Variants in AMPH observed in about 807,000 individuals in gnomAD.
AMPH encodes the protein amphiphysin.
In AMPH, 49 loss-of-function variants were observed where a neutral mutation model predicts 99.1. The observed-to-expected ratio is 0.49, with a 90% CI of 0.39 to 0.63. AMPH has a LOEUF of 0.63. Ranked by LOEUF, AMPH falls within the 20% of genes least tolerant of loss-of-function variation. The probability of loss-of-function intolerance (pLI) is 0.00; values close to 1 mark genes in which losing one functional copy is unlikely to be tolerated. For missense variants in AMPH, 759 were observed against 863.4 expected (o/e 0.88, Z 1.52); for synonymous variants, 314 against 317.3 (o/e 0.99, Z 0.11).
rs78411385 is a variant in AMPH at position 38,464,721 on chromosome 7, A to G, written c.749+746T>C. ...ACCAGAGAGGTTTTGAACTTACTCA[A>G]GGAAGGCAAAGCAAGTTAACTGCAA... On this transcript the variant is annotated intron_variant, in intron 9 of 20. Transcript: ENST00000356264. 8.7e-3 allele frequency among the ~76,000 whole-genome samples: 1,327 copies of G among 152,322 alleles called. 57 individuals carry two copies. In the South Asian group the frequency reaches 0.11, roughly 12 times the overall value.
intron 5 of AMPH, among the ~76,000 whole-genome samples, chr7:38,479,349 T>C (rs1449611445): frequency 2.3e-5 from 2 of 87,656 alleles, no homozygotes; most frequent in Non-Finnish European, 4.1e-5. Context: ...ATGAAAATAT[T>C]TACAAAAGTG....
At chr7:38,478,154 T>C (rs11975198) in intron 5 of AMPH, among the ~76,000 whole-genome samples, 2,759 of 152,082 alleles carry the variant, frequency 0.018, 84 homozygotes, top group African/African-American at 0.062. Flanking sequence ...CAAGCAATAG[T>C]GGCCTACCAC....
chr7:38,410,503 A>G (rs1785182105), intron 17 of AMPH, among the ~76,000 whole-genome samples: 1 of 152,208 alleles, frequency 6.6e-6, no homozygotes, highest in Non-Finnish European at 1.5e-5. Context: ...CCACTCCACA[A>G]TGATATGTCA....
intron 16 of AMPH, 45 bp from the exon 17 acceptor site, chr7:38,417,995 G>C (rs1785446637): frequency 6.3e-7 from 1 of 1,595,350 alleles, no homozygotes; most frequent in African/African-American, 1.3e-5. Context: ...GATTCAACAG[G>C]TAAATAGATA....
chr7:38,631,161 C>CTGG, intron 1 of AMPH, 122 bp downstream of exon 1: 1 of 896,756 alleles, frequency 1.1e-6, no homozygotes, highest in Non-Finnish European at 1.4e-6. Context: ...GTCCCTGGCC[C>CTGG]CGGCCCCGCT....
chr7:38,552,531 T>A (rs1791216335), intron 1 of AMPH, among the ~76,000 whole-genome samples: 1 of 152,216 alleles, frequency 6.6e-6, no homozygotes, highest in Non-Finnish European at 1.5e-5. Context: ...CTGGAATAAG[T>A]CACCAAGGCT....
At chr7:38,538,101 T>C (rs1035529097) in intron 1 of AMPH, among the ~76,000 whole-genome samples, 2 of 152,224 alleles carry the variant, frequency 1.3e-5, no homozygotes, top group African/African-American at 4.8e-5. Context: ...AGAAATTAAA[T>C]AGTTTGTTGC....
intron 1 of AMPH, among the ~76,000 whole-genome samples, chr7:38,575,045 T>G (rs1308356270): frequency 9.9e-6 from 1 of 100,958 alleles, no homozygotes; most frequent in African/African-American, 4.3e-5. Context: ...AGACCGAGAC[T>G]CTGTCTAAAA....
chr7:38,420,252 T>G (rs1263657761), intron 16 of AMPH, among the ~76,000 whole-genome samples: 1 of 152,242 alleles, frequency 6.6e-6, no homozygotes, highest in East Asian at 1.9e-4. Flanking sequence ...ACCTTTCTAT[T>G]CCAAGATAAT....
chr7:38,625,109 T>TG (rs1794199423), intron 1 of AMPH, among the ~76,000 whole-genome samples: 1 of 152,100 alleles, frequency 6.6e-6, no homozygotes, highest in Non-Finnish European at 1.5e-5. Context: ...AACAGGGGAC[T>TG]GTTTGAAAGC....
intron 14 of AMPH, chr7:38,428,532 T>G (rs1785870811): frequency 2.2e-6 from 1 of 456,632 alleles, no homozygotes; most frequent in Non-Finnish European, 4.4e-6. Context: ...CTGAATTTCT[T>G]CAGCATCTGT....
intron 2 of AMPH, among the ~76,000 whole-genome samples, chr7:38,534,476 T>C (rs1790525322): frequency 6.6e-6 from 1 of 151,998 alleles, no homozygotes; most frequent in African/African-American, 2.4e-5. Context: ...AGTTCAAGAC[T>C]ATCCTGGGCA....
At chr7:38,429,625 T>A in intron 14 of AMPH, 1 of 1,433,606 alleles carries the variant, frequency 7.0e-7, no homozygotes, top group South Asian at 1.4e-5. Context: ...AAACAAAAGA[T>A]GAAACAGAAC....
At chr7:38,492,477 A>AAC (rs3837077) in intron 4 of AMPH, among the ~76,000 whole-genome samples, 15,148 of 152,144 alleles carry the variant, frequency 0.1, 1,170 homozygotes, top group East Asian at 0.3. Flanking sequence ...ATCTTGTTAA[A>AAC]ACACACACAC....
chr7:38,447,165 A>C (rs1030419301), intron 11 of AMPH, among the ~76,000 whole-genome samples: 1 of 152,106 alleles, frequency 6.6e-6, no homozygotes, highest in Non-Finnish European at 1.5e-5. Flanking sequence ...GATTACAGGC[A>C]TGTGCCACCA....
chr7:38,544,592 G>A (rs1196686469), intron 1 of AMPH, among the ~76,000 whole-genome samples: 1 of 152,206 alleles, frequency 6.6e-6, no homozygotes, highest in African/African-American at 2.4e-5. Flanking sequence ...AATTTTAAGA[G>A]ACTTCATGGG....
rs924607933 is a variant in AMPH, at chr7:38,491,164, C to A, written c.301-19G>T. 6.5e-7 allele frequency: 1 copy of A among 1,538,202 alleles called. No individual in the cohort carries two copies. The highest frequency in any genetic ancestry group is 1.1e-5 in the South Asian group (1 of 87,860). On this transcript the variant is annotated intron_variant, in intron 4 of 20. Coordinates refer to ENST00000356264, the MANE Select transcript of AMPH (RefSeq NM_001635.4). Reference sequence around the variant, plus strand: ...CACATTTCTAAAAGAAATAAAGAGACCACTGCTGAATTATTTTAATTGGAT... The same window carrying A: ...CACATTTCTAAAAGAAATAAAGAGAACACTGCTGAATTATTTTAATTGGAT...
intron 15 of AMPH, among the ~76,000 whole-genome samples, chr7:38,422,849 G>A (rs1434941291): frequency 6.6e-6 from 1 of 152,098 alleles, no homozygotes. Flanking sequence ...CGAATTTCTG[G>A]GCTCAAGCAA....
intron 5 of AMPH, among the ~76,000 whole-genome samples, chr7:38,480,430 C>G (rs1788244769): frequency 6.6e-6 from 1 of 152,080 alleles, no homozygotes; most frequent in Non-Finnish European, 1.5e-5. Flanking sequence ...CCCTGCTTCT[C>G]AGTCTCGGTT....
Sources: allele counts gnomAD v4.1 joint callset (sites outside exome capture counted in the v4.1 genomes callset), GRCh38; gene constraint gnomAD v4.1.1; transcripts MANE v1.5; gene names NCBI Gene and HGNC (gene_info 2026-07-23, HGNC 2026-07-21).